DPP10: variants seen among roughly 807,000 people sequenced by gnomAD.
The protein encoded by DPP10 is inactive dipeptidyl peptidase 10.
DPP10 carries 33 observed loss-of-function variants against 120.9 expected under a neutral mutation model. The observed-to-expected ratio is 0.27, with a 90% CI of 0.21 to 0.37. The LOEUF is 0.37. Ranked by LOEUF, DPP10 falls within the 10% of genes least tolerant of loss-of-function variation. The pLI is 1.00. For missense variants in DPP10, 816 were observed against 942.8 expected (o/e 0.87, Z 1.76); for synonymous variants, 337 against 326.1 (o/e 1.03, Z -0.36).
chr2:115,167,604 C>CAA (rs59031977), intron 1 of DPP10, among the ~76,000 whole-genome samples: 46 of 48,308 alleles, frequency 9.5e-4, no homozygotes, highest in Non-Finnish European at 1.3e-3. Flanking sequence ...GAGACCGTCT[C>CAA]AAAAAAAAAA....
chr2:115,450,359 A>G (rs2073007899), intron 3 of DPP10, among the ~76,000 whole-genome samples: 1 of 152,014 alleles, frequency 6.6e-6, no homozygotes, highest in South Asian at 2.1e-4. Flanking sequence ...CGCACAGTGG[A>G]AAAATTACTA....
At chr2:114,486,244 A>G (rs1246838916) in intron 1 of DPP10, among the ~76,000 whole-genome samples, 1 of 152,132 alleles carries the variant, frequency 6.6e-6, no homozygotes, top group Non-Finnish European at 1.5e-5. Context: ...GGTATTGTAC[A>G]CTGCATTTCA....
chr2:115,017,821 A>C (rs913178127), intron 1 of DPP10, among the ~76,000 whole-genome samples: 21 of 144,500 alleles, frequency 1.5e-4, no homozygotes, highest in Non-Finnish European at 2.7e-4. Context: ...ACTTGGACAC[A>C]GGTAGGGGGA....
At chr2:115,579,469 G>T (rs949897315) in intron 5 of DPP10, 4 of 152,068 alleles carry the variant, frequency 2.6e-5, no homozygotes, top group African/African-American at 9.7e-5. Flanking sequence ...GTCTCTCTGT[G>T]GCCTAATGGT....
intron 2 of DPP10, among the ~76,000 whole-genome samples, chr2:115,333,140 G>C (rs556608320): frequency 6.6e-6 from 1 of 152,172 alleles, no homozygotes; most frequent in East Asian, 1.9e-4. Context: ...AGGATTGTTA[G>C]CTTTTCTTGT....
intron 1 of DPP10, among the ~76,000 whole-genome samples, chr2:114,970,364 T>C (rs1419256017): frequency 6.6e-6 from 1 of 152,208 alleles, no homozygotes; most frequent in Non-Finnish European, 1.5e-5. Flanking sequence ...TGATTCTATG[T>C]AGCTGATTCA....
intron 3 of DPP10, among the ~76,000 whole-genome samples, chr2:115,435,758 A>T (rs1475931437): frequency 6.6e-6 from 1 of 151,770 alleles, no homozygotes; most frequent in Non-Finnish European, 1.5e-5. Flanking sequence ...TACACAAAAA[A>T]TCTTTGCCCA....
intron 19 of DPP10, 55 bp downstream of exon 19, chr2:115,791,411 T>C: frequency 1.4e-6 from 2 of 1,449,604 alleles, no homozygotes; most frequent in Non-Finnish European, 1.9e-6. Flanking sequence ...TATATTTTTG[T>C]GTCTCACATG....
chr2:115,338,580 C>T (rs1559449784), intron 2 of DPP10, among the ~76,000 whole-genome samples: 1 of 152,096 alleles, frequency 6.6e-6, no homozygotes, highest in Non-Finnish European at 1.5e-5. Flanking sequence ...CCTGCCTCAG[C>T]CTCCCAAGCA....
At chr2:115,813,279 G>A (rs115767490) in intron 19 of DPP10, among the ~76,000 whole-genome samples, 2,673 of 152,096 alleles carry the variant, frequency 0.018, 88 homozygotes, top group African/African-American at 0.059. Flanking sequence ...TTCTCACAGC[G>A]CTGAAGGCTA....
At chr2:115,728,582 A>C (rs2092824307) in intron 8 of DPP10, among the ~76,000 whole-genome samples, 1 of 152,282 alleles carries the variant, frequency 6.6e-6, no homozygotes, top group South Asian at 2.1e-4. Context: ...CAGATTCTTC[A>C]GCTGATTTTG....
intron 1 of DPP10, among the ~76,000 whole-genome samples, chr2:114,871,747 C>G (rs1690705809): frequency 6.6e-6 from 1 of 152,208 alleles, no homozygotes; most frequent in South Asian, 2.1e-4. Flanking sequence ...TGGACCAGAA[C>G]TGGTCTTTGG....
intron 1 of DPP10, among the ~76,000 whole-genome samples, chr2:114,662,357 G>A (rs370602858): frequency 6.6e-6 from 1 of 152,354 alleles, no homozygotes; most frequent in African/African-American, 2.4e-5. Flanking sequence ...TGCGCGGGGA[G>A]CTCCGGAGCT....
Position 115,711,858 on chromosome 2 carries a change from T to C in DPP10, c.577-15958T>C, listed in dbSNP as rs2092325034. Among the ~76,000 whole-genome samples, 3 of 151,450 alleles carry C rather than the reference T, an allele frequency of 2.0e-5. No homozygotes were observed. In the South Asian group the frequency reaches 6.3e-4, roughly 32 times the overall value. Reference sequence around the variant, plus strand: ...TAGTTCATTTTTACTTAAGAAGATATACTTTAAAATGCATTTTTAAGAGTT... The same window carrying C: ...TAGTTCATTTTTACTTAAGAAGATACACTTTAAAATGCATTTTTAAGAGTT... On this transcript the variant is annotated intron_variant, in intron 7 of 25. Transcript: ENST00000410059.
chr2:115,656,313 AAGAC>A (rs1162932994), intron 5 of DPP10, among the ~76,000 whole-genome samples: 1 of 151,682 alleles, frequency 6.6e-6, no homozygotes, highest in East Asian at 1.9e-4. Context: ...AATTCAGAAT[AAGAC>A]AGAGATGGAT....
chr2:115,557,374 A>G (rs920648508), intron 5 of DPP10, among the ~76,000 whole-genome samples: 3 of 152,212 alleles, frequency 2.0e-5, no homozygotes, highest in African/African-American at 7.2e-5. Flanking sequence ...AGTGCCTTTC[A>G]AAACAGATTA....
intron 21 of DPP10, among the ~76,000 whole-genome samples, chr2:115,826,459 C>T (rs1051629622): frequency 2.0e-5 from 3 of 152,166 alleles, no homozygotes; most frequent in South Asian, 4.1e-4. Context: ...TGGTGGCTCA[C>T]GCTGTAATCC....
At chr2:115,278,856 T>C (rs372123510) in intron 1 of DPP10, among the ~76,000 whole-genome samples, 1 of 152,158 alleles carries the variant, frequency 6.6e-6, no homozygotes, top group Non-Finnish European at 1.5e-5. Flanking sequence ...ATCCAAACTA[T>C]AGCAGAAGCC....
intron 19 of DPP10, among the ~76,000 whole-genome samples, chr2:115,800,485 G>A (rs1449096510): frequency 6.6e-6 from 1 of 152,124 alleles, no homozygotes; most frequent in East Asian, 1.9e-4. Flanking sequence ...ATTGCTTTTG[G>A]TATTTTAGAC....
Sources: allele counts gnomAD v4.1 joint callset (sites outside exome capture counted in the v4.1 genomes callset), GRCh38; gene constraint gnomAD v4.1.1; transcripts MANE v1.5; gene names NCBI Gene and HGNC (gene_info 2026-07-23, HGNC 2026-07-21).